Variants in LATS2 observed in about 807,000 individuals in gnomAD.
LATS2 encodes the protein serine/threonine-protein kinase LATS2.
Under a neutral mutation model 76.0 loss-of-function variants are expected in LATS2, and 24 were observed. The observed-to-expected ratio is 0.32, with a 90% confidence interval of 0.23 to 0.44. The LOEUF is 0.44. Among genes scored for constraint, LATS2 ranks in the 20% least tolerant of loss-of-function variants. LATS2 has a pLI of 1.00. For synonymous variants in LATS2, 692 were observed against 635.4 expected (o/e 1.09, Z -1.34); for missense variants, 1,286 against 1,481.2 (o/e 0.87, Z 2.16).
At chr13:21,030,591 C>CAAAAAAAAAAAAAAAAAAA (rs374884189) in intron 2 of LATS2, among the ~76,000 whole-genome samples, 10 of 25,678 alleles carry the variant, frequency 3.9e-4, no homozygotes, top group East Asian at 1.1e-3. Flanking sequence ...GACTCCGTCT[C>CAAAAAAAAAAAAAAAAAAA]AAAAAAAAAA....
At chr13:21,029,339 T>C (rs1872430899) in intron 2 of LATS2, among the ~76,000 whole-genome samples, 1 of 152,256 alleles carries the variant, frequency 6.6e-6, no homozygotes. Context: ...GAAATGGTTT[T>C]ATTCTTTATT....
intron 7 of LATS2, among the ~76,000 whole-genome samples, 160 bp downstream of exon 7, chr13:20,979,531 A>C (rs1401197452): frequency 6.6e-6 from 1 of 152,126 alleles, no homozygotes; most frequent in African/African-American, 2.4e-5. Flanking sequence ...AAAAATAGAT[A>C]ATTTAAAAAA....
At chr13:21,005,410 AC>A (rs1871225847) in intron 2 of LATS2, 1 of 152,276 alleles carries the variant, frequency 6.6e-6, no homozygotes, top group Non-Finnish European at 1.5e-5. Flanking sequence ...GGCTACACTG[AC>A]CCAGGCAGAA....
intron 2 of LATS2, 51 bp downstream of exon 2, chr13:21,045,634 A>C (rs760505593): frequency 7.0e-7 from 1 of 1,438,492 alleles, no homozygotes; most frequent in African/African-American, 1.4e-5. Flanking sequence ...TGACTGCCCC[A>C]GCTGTCCCAT....
rs1259441480 is a variant in LATS2, at chr13:20,988,626, C to A, written c.1154G>T (p.Gly385Val). ...GTGCGCGCGCGGCGGCGCCTCCAGG[C>A]CCGGCTTCTGCAGGGAGTCCCGGCG... Reference protein sequence around the residue: ...LARRDSLQKPGLEAPPRAHVA... With the variant: ...LARRDSLQKPVLEAPPRAHVA... Residue 385 changes from glycine (G) to valine (V), a missense_variant, in exon 4 of 8, where the codon GGC (glycine) becomes GTC (valine). This residue lies in a region of LATS2 where 710 missense variants were observed against 660.9 expected (regional missense o/e 1.07). Transcript: ENST00000382592. 3.8e-6 allele frequency: 6 copies of A among 1,587,714 alleles called. No individual in the cohort carries two copies. The African/African-American group carries it at 8.1e-5, about 21-fold the overall frequency.
intron 2 of LATS2, among the ~76,000 whole-genome samples, chr13:21,000,913 C>T (rs752182817): frequency 4.6e-5 from 7 of 152,032 alleles, no homozygotes; most frequent in Admixed American, 1.3e-4. Flanking sequence ...TTGATTAGAA[C>T]ATGAAAAAAA....
intron 1 of LATS2, among the ~76,000 whole-genome samples, chr13:21,060,613 G>C (rs146901823): frequency 0.11 from 16,457 of 151,812 alleles, 1,471 homozygotes; most frequent in East Asian, 0.43. Flanking sequence ...CCCGTGAGCC[G>C]GCGGCGCGGC....
intron 2 of LATS2, among the ~76,000 whole-genome samples, chr13:21,032,335 G>A (rs1872555706): frequency 6.6e-6 from 1 of 152,106 alleles, no homozygotes; most frequent in South Asian, 2.1e-4. Flanking sequence ...GCGCGATCTT[G>A]GCTCACTGCA....
intron 2 of LATS2, among the ~76,000 whole-genome samples, chr13:21,029,568 G>A (rs541956882): frequency 9.2e-5 from 14 of 152,286 alleles, no homozygotes; most frequent in East Asian, 5.8e-4. Flanking sequence ...CAAGGCAGGC[G>A]TATCACGAGG....
At chr13:20,979,843 C>T (rs772472407) in intron 6 of LATS2, 46 bp from the exon 7 acceptor site, 1 of 1,063,200 alleles carries the variant, frequency 9.4e-7, no homozygotes, top group Non-Finnish European at 1.4e-6. Flanking sequence ...ATGAATTCTC[C>T]TCCGAGGTGA....
chr13:21,029,320 T>A (rs1872430360), intron 2 of LATS2, among the ~76,000 whole-genome samples: 1 of 152,228 alleles, frequency 6.6e-6, no homozygotes, highest in African/African-American at 2.4e-5. Flanking sequence ...CTCTATCTAT[T>A]GAGATGATGA....
intron 2 of LATS2, among the ~76,000 whole-genome samples, chr13:21,026,125 A>T (rs1872303230): frequency 6.6e-6 from 1 of 152,196 alleles, no homozygotes; most frequent in Non-Finnish European, 1.5e-5. Flanking sequence ...CATAAGAAAG[A>T]AGAGAAGGAA....
At chr13:21,014,672 C>A (rs1266222064) in intron 2 of LATS2, among the ~76,000 whole-genome samples, 1 of 152,172 alleles carries the variant, frequency 6.6e-6, no homozygotes, top group Non-Finnish European at 1.5e-5. Flanking sequence ...GTTTATGCAG[C>A]CAGCACTGCT....
At chr13:21,060,184 G>A (rs1873581228) in intron 1 of LATS2, among the ~76,000 whole-genome samples, 1 of 152,154 alleles carries the variant, frequency 6.6e-6, no homozygotes, top group Admixed American at 6.5e-5. Flanking sequence ...TCGGGACACT[G>A]GAGACTTGCA....
Position 20,998,271 on chromosome 13 carries a change from T to C in LATS2, c.343-6867A>G, listed in dbSNP as rs567960353. On this transcript the variant is annotated intron_variant, in intron 2 of 7. Coordinates refer to ENST00000382592, the MANE Select transcript of LATS2 (RefSeq NM_014572.3). ...TGGGAGGCTGAGGCAGGAATCACTTTGAACCTGGGAGGTGGAGGCTGCAGT... is the reference window on the plus strand; with the variant it reads ...TGGGAGGCTGAGGCAGGAATCACTTCGAACCTGGGAGGTGGAGGCTGCAGT... 3.3e-5 allele frequency among the ~76,000 whole-genome samples: 5 copies of C among 152,228 alleles called. No homozygotes were observed. The South Asian group carries it at 1.0e-3, about 32-fold the overall frequency.
In LATS2 at chr13:20,974,763, C is replaced by G; in HGVS notation, c.*107G>C. On this transcript the variant is annotated 3_prime_UTR_variant, in exon 8 of 8. Transcript: ENST00000382592. The stretch of plus-strand genomic sequence containing the variant: ...AATTTCAAGTGAAGTAATCGACGGA[C>G]TAATTTAAAACAAAACAGCCCTCGG... The G allele has an allele frequency of 1.7e-6, 2 of 1,206,022 alleles. No homozygotes were observed. Among genetic ancestry groups the G allele is most frequent in the Non-Finnish European group, 2.3e-6 (2 of 867,278 alleles). 74.7% of individuals were successfully genotyped at this position (1,206,022 alleles called of 1,614,324 possible).
Position 20,988,515 on chromosome 13 carries a change from G to C in LATS2, c.1265C>G (p.Ala422Gly), listed in dbSNP as rs1870306458. 6.4e-7 allele frequency: 1 copy of C among 1,562,302 alleles called. No individual in the cohort carries two copies. The highest frequency in any genetic ancestry group is 8.6e-7 in the Non-Finnish European group (1 of 1,162,564). ...GTTGGGGGCGGGCAGGGAGGGCTCGGCCTTGCCAGGCGGACCGGGCCGCGG... is the reference window on the plus strand; with the variant it reads ...GTTGGGGGCGGGCAGGGAGGGCTCGCCCTTGCCAGGCGGACCGGGCCGCGG... ...HQPRPGPPGK[A>G]EPSLPAPNTV... Residue 422 changes from alanine to glycine, a missense_variant, in exon 4 of 8, where the codon GCC becomes GGC. Around this residue, in one of 5 missense-constraint regions of LATS2, gnomAD observed 710 missense variants for 660.9 expected, o/e 1.07. Coordinates refer to ENST00000382592, the MANE Select transcript of LATS2 (RefSeq NM_014572.3).
At position 20,988,354 on chromosome 13, in the gene LATS2, CG is replaced by C; in HGVS notation, c.1425del (p.Ala476ProfsTer183). 2 of 1,291,774 alleles carry C rather than the reference CG, an allele frequency of 1.5e-6. No homozygotes were observed. The highest frequency in any genetic ancestry group is 2.0e-6 in the Non-Finnish European group (2 of 1,005,704). 80.0% of individuals were successfully genotyped at this position (1,291,774 alleles called of 1,614,324 possible). ...WVPAPAPAPA[P>X]APAPAAEGLD... is the part of the protein sequence containing the mutation. Reference sequence around the variant, plus strand: ...AAGCCCTCCGCAGCCGGGGCGGGGGCGGGGGCGGGGGCCGGGGCAGGCGCGG... The same window carrying C: ...AAGCCCTCCGCAGCCGGGGCGGGGGCGGGGCGGGGGCCGGGGCAGGCGCGG... On this transcript the variant is annotated frameshift_variant, in exon 4 of 8. Transcript: ENST00000382592. LOFTEE classifies it high-confidence loss of function.
intron 1 of LATS2, among the ~76,000 whole-genome samples, 186 bp downstream of exon 1, chr13:21,061,160 G>A (rs1873632424): frequency 6.6e-6 from 1 of 151,418 alleles, no homozygotes; most frequent in Non-Finnish European, 1.5e-5. Flanking sequence ...GCTCCGGGCG[G>A]GCGCGGACCG....
Sources: allele counts gnomAD v4.1 joint callset (sites outside exome capture counted in the v4.1 genomes callset), GRCh38; gene constraint gnomAD v4.1.1; regional missense constraint gnomAD v4.1.1; transcripts MANE v1.5; gene names NCBI Gene and HGNC (gene_info 2026-07-23, HGNC 2026-07-21).